ATG10: variants seen among roughly 807,000 people sequenced by gnomAD.
ATG10 encodes ubiquitin-like-conjugating enzyme ATG10.
ATG10 carries 30 observed loss-of-function variants against 32.1 expected under a neutral mutation model. The ratio of observed to expected loss-of-function variants is 0.94; its 90% CI spans 0.70 to 1.27. ATG10 has a LOEUF of 1.27. Ranked by LOEUF, ATG10 falls within the 50% of genes most tolerant of loss-of-function variation. The pLI is 0.00. For missense variants in ATG10, 233 were observed against 262.3 expected, an observed-to-expected ratio of 0.89 and a Z score of 0.77; for synonymous variants, 87 against 91.5, an observed-to-expected ratio of 0.95 and a Z score of 0.28.
chr5:82,249,392 C>T (rs749841590), intron 5 of ATG10, among the ~76,000 whole-genome samples: 3 of 152,114 alleles, frequency 2.0e-5, no homozygotes, highest in Non-Finnish European at 4.4e-5. Flanking sequence ...TTTACAGGAA[C>T]GTCCTATTTT....
chr5:82,137,502 G>A (rs1766811858), intron 3 of ATG10, among the ~76,000 whole-genome samples: 1 of 152,162 alleles, frequency 6.6e-6, no homozygotes, highest in Admixed American at 6.5e-5. Flanking sequence ...AGTTTGCTGA[G>A]GGTCCACTCC....
chr5:81,993,242 T>C (rs1434220214), intron 2 of ATG10, among the ~76,000 whole-genome samples: 4 of 152,072 alleles, frequency 2.6e-5, no homozygotes, highest in Non-Finnish European at 4.4e-5. Context: ...GGTTGTTGTA[T>C]AGATTAAATG....
intron 2 of ATG10, among the ~76,000 whole-genome samples, chr5:82,028,801 T>C (rs1179089493): frequency 6.6e-6 from 1 of 152,238 alleles, no homozygotes; most frequent in Non-Finnish European, 1.5e-5. Flanking sequence ...AAAATTAGTT[T>C]AATTAGATGA....
chr5:82,217,160 A>G (rs1745721020), intron 5 of ATG10, among the ~76,000 whole-genome samples: 1 of 152,126 alleles, frequency 6.6e-6, no homozygotes, highest in Non-Finnish European at 1.5e-5. Context: ...GCTTAGGCCT[A>G]TAGTAAAATT....
chr5:81,981,628 A>G (rs563454104), intron 1 of ATG10, among the ~76,000 whole-genome samples: 116 of 152,270 alleles, frequency 7.6e-4, no homozygotes, highest in Non-Finnish European at 1.4e-3. Context: ...GTTTAAATGT[A>G]TGCATCGCAT....
intron 3 of ATG10, among the ~76,000 whole-genome samples, chr5:82,141,196 T>C (rs1257067116): frequency 6.9e-6 from 1 of 143,908 alleles, no homozygotes. Flanking sequence ...TACCCCTCTG[T>C]GAGAAACACC....
chr5:82,009,723 C>G (rs969546113), intron 2 of ATG10: 38 of 1,592,080 alleles, frequency 2.4e-5, no homozygotes, highest in Non-Finnish European at 3.3e-5. Flanking sequence ...CACATGCATG[C>G]CATCCAACCA....
intron 2 of ATG10, among the ~76,000 whole-genome samples, chr5:82,028,196 G>A (rs562238296): frequency 6.6e-6 from 1 of 152,290 alleles, no homozygotes; most frequent in South Asian, 2.1e-4. Context: ...GATAAAGATA[G>A]CATTAATCCA....
intron 3 of ATG10, among the ~76,000 whole-genome samples, chr5:82,143,589 A>T (rs1309586925): frequency 6.6e-6 from 1 of 152,264 alleles, no homozygotes; most frequent in African/African-American, 2.4e-5. Flanking sequence ...GTCTTGGATG[A>T]ATAATGTTTG....
chr5:82,162,621 C>G (rs1743400748), intron 3 of ATG10, among the ~76,000 whole-genome samples: 1 of 151,700 alleles, frequency 6.6e-6, no homozygotes, highest in Non-Finnish European at 1.5e-5. Flanking sequence ...TTGTAAGTAG[C>G]AGAAAACTAT....
chr5:81,983,590 GC>G (rs1246108524), intron 1 of ATG10, among the ~76,000 whole-genome samples: 1 of 148,766 alleles, frequency 6.7e-6, no homozygotes, highest in Non-Finnish European at 1.5e-5. Context: ...GGGCGGCCGG[GC>G]AGAGGCGCCC....
At chr5:82,009,040 C>G (rs1561252140) in intron 2 of ATG10, among the ~76,000 whole-genome samples, 1 of 152,120 alleles carries the variant, frequency 6.6e-6, no homozygotes, top group Non-Finnish European at 1.5e-5. Context: ...CTCATAGTTG[C>G]ATAAATGGAA....
At chr5:81,991,805 A>C (rs947256441) in intron 2 of ATG10, among the ~76,000 whole-genome samples, 3 of 152,108 alleles carry the variant, frequency 2.0e-5, no homozygotes, top group Admixed American at 2.0e-4. Context: ...CAAAAAAAAA[A>C]AAAACTTATC....
chr5:82,202,896 T>A (rs897204832), intron 5 of ATG10, among the ~76,000 whole-genome samples: 7 of 152,120 alleles, frequency 4.6e-5, no homozygotes, highest in Admixed American at 2.0e-4. Context: ...GACTACTCTT[T>A]GGGCAGGGGT....
At chr5:82,167,215 A>G (rs1362760037) in intron 4 of ATG10, among the ~76,000 whole-genome samples, 1 of 152,140 alleles carries the variant, frequency 6.6e-6, no homozygotes, top group Non-Finnish European at 1.5e-5. Flanking sequence ...CATATATTCT[A>G]TTATATCACA....
At chr5:81,998,787 AAAG>A (rs1761743726) in intron 2 of ATG10, among the ~76,000 whole-genome samples, 2 of 152,204 alleles carry the variant, frequency 1.3e-5, no homozygotes, top group African/African-American at 4.8e-5. Flanking sequence ...AAAAAATGAC[AAAG>A]AAGGATATTA....
At chr5:82,127,811 G>A (rs1766341628) in intron 3 of ATG10, among the ~76,000 whole-genome samples, 1 of 152,132 alleles carries the variant, frequency 6.6e-6, no homozygotes, top group Non-Finnish European at 1.5e-5. Flanking sequence ...TTGGTCCAGA[G>A]CCGAGTTCAA....
chr5:82,136,041 C>A (rs922361956), intron 3 of ATG10, among the ~76,000 whole-genome samples: 1 of 151,810 alleles, frequency 6.6e-6, no homozygotes, highest in Non-Finnish European at 1.5e-5. Flanking sequence ...AAATTGCAAC[C>A]CCTGATTTTT....
chr5:82,238,904 T>G (rs1746677171), intron 5 of ATG10, among the ~76,000 whole-genome samples: 1 of 152,202 alleles, frequency 6.6e-6, no homozygotes. Flanking sequence ...ACTCACAGAA[T>G]TAAAATATGC....
Sources: gnomAD v4.1 joint callset for allele counts (sites outside exome capture counted in the v4.1 genomes callset) on GRCh38, gnomAD v4.1.1 for gene constraint, MANE v1.5 for transcripts, NCBI Gene and HGNC (gene_info 2026-07-23, HGNC 2026-07-21) for gene names.